Variants in CACNG2 observed in about 807,000 individuals in gnomAD.
CACNG2 encodes the protein voltage-dependent calcium channel gamma-2 subunit.
A neutral mutation model predicts 25.9 loss-of-function variants in CACNG2; 3 were observed. That is an observed-to-expected ratio of 0.12 (90% CI 0.05 to 0.30). The LOEUF (loss-of-function observed/expected upper bound fraction) is 0.30. Among genes scored for constraint, CACNG2 ranks in the 10% least tolerant of loss-of-function variants. CACNG2 has a pLI of 1.00. For missense variants in CACNG2, 341 were observed against 432.5 expected (o/e 0.79, Z 1.88); for synonymous variants, 167 against 173.3 (o/e 0.96, Z 0.29).
intron 2 of CACNG2, among the ~76,000 whole-genome samples, chr22:36,571,249 G>T (rs1476210269): frequency 6.6e-6 from 1 of 151,974 alleles, no homozygotes; most frequent in South Asian, 2.1e-4. Flanking sequence ...ATGAAGTCAG[G>T]AGTTCGAGAC....
rs200491685 is a variant in CACNG2, at chr22:36,702,652, CA to C, written c.-77del. On this transcript the variant is annotated 5_prime_UTR_variant, in exon 1 of 4. Transcript: ENST00000300105. Reference sequence around the variant, plus strand: ...TGTGTGAGGGTGCAAGTACTAAAGCCAAAAAAAATAAATAAAAATAAAAATT... The same window carrying C: ...TGTGTGAGGGTGCAAGTACTAAAGCCAAAAAAATAAATAAAAATAAAAATT... The C allele has an allele frequency of 2.7e-4, 274 of 1,033,350 alleles. No homozygotes were observed. Among genetic ancestry groups the C allele is most frequent in the Non-Finnish European group, 3.2e-4 (218 of 672,416 alleles). The allele number at this position is 1,033,350 out of a possible 1,614,324, so 64.0% of individuals were successfully genotyped here. A position where few individuals can be genotyped will look rare whatever the true frequency, so the allele number is the denominator to read the frequency against.
intron 1 of CACNG2, among the ~76,000 whole-genome samples, chr22:36,661,994 T>A (rs1936805570): frequency 7.4e-6 from 1 of 135,382 alleles, no homozygotes; most frequent in African/African-American, 3.0e-5. Context: ...TTTTTTTTTT[T>A]TTTCAGACGG....
chr22:36,566,960 C>T (rs188226734), intron 2 of CACNG2, among the ~76,000 whole-genome samples: 103 of 152,354 alleles, frequency 6.8e-4, no homozygotes, highest in Non-Finnish European at 1.3e-3. Context: ...AAAGCCTTCC[C>T]TGACTTCCTT....
intron 1 of CACNG2, among the ~76,000 whole-genome samples, chr22:36,596,791 TC>T (rs1330879967): frequency 6.6e-6 from 1 of 152,172 alleles, no homozygotes; most frequent in Non-Finnish European, 1.5e-5. Flanking sequence ...AGGGTCTCTC[TC>T]TGTTGCCCAG....
intron 1 of CACNG2, among the ~76,000 whole-genome samples, chr22:36,650,957 T>C (rs188258638): frequency 7.0e-4 from 106 of 152,348 alleles, no homozygotes; most frequent in Admixed American, 9.1e-4. Flanking sequence ...TTCATCTCCT[T>C]CAGGTATTTA....
intron 1 of CACNG2, among the ~76,000 whole-genome samples, chr22:36,635,624 C>A (rs1246936716): frequency 6.6e-6 from 1 of 152,146 alleles, no homozygotes; most frequent in Non-Finnish European, 1.5e-5. Context: ...ATCAGTGACT[C>A]CCACATTTGT....
At chr22:36,638,326 T>C (rs1936390390) in intron 1 of CACNG2, among the ~76,000 whole-genome samples, 1 of 152,190 alleles carries the variant, frequency 6.6e-6, no homozygotes, top group Admixed American at 6.5e-5. Context: ...AGGCTTCCCA[T>C]GGCCCTTTGG....
chr22:36,590,685 C>G (rs1229293207), intron 1 of CACNG2, among the ~76,000 whole-genome samples: 1 of 152,190 alleles, frequency 6.6e-6, no homozygotes, highest in East Asian at 1.9e-4. Flanking sequence ...AGAGCTATGA[C>G]AGTGATCCTT....
At chr22:36,607,578 G>A (rs1017664509) in intron 1 of CACNG2, among the ~76,000 whole-genome samples, 5 of 152,148 alleles carry the variant, frequency 3.3e-5, no homozygotes, top group Admixed American at 3.3e-4. Context: ...TGTATATTCA[G>A]TTTTGTGGCA....
intron 2 of CACNG2, among the ~76,000 whole-genome samples, chr22:36,582,015 C>G (rs889528186): frequency 6.6e-6 from 1 of 152,200 alleles, no homozygotes; most frequent in Non-Finnish European, 1.5e-5. Flanking sequence ...TTCAGAAAAT[C>G]CTGTGTGCGG....
intron 1 of CACNG2, among the ~76,000 whole-genome samples, chr22:36,653,629 G>A (rs1477226399): frequency 6.6e-6 from 1 of 150,908 alleles, no homozygotes; most frequent in Non-Finnish European, 1.5e-5. Flanking sequence ...GAAGTAAGAA[G>A]AGTTCCAAGG....
intron 1 of CACNG2, among the ~76,000 whole-genome samples, chr22:36,666,868 G>A (rs567792930): frequency 1.2e-4 from 19 of 152,032 alleles, no homozygotes; most frequent in Non-Finnish European, 2.4e-4. Context: ...CCACTAGACC[G>A]GATGGCCCAC....
intron 1 of CACNG2, among the ~76,000 whole-genome samples, chr22:36,660,383 G>A (rs550349969): frequency 3.9e-5 from 6 of 152,284 alleles, no homozygotes; most frequent in Non-Finnish European, 7.3e-5. Flanking sequence ...TCCAGTGCCA[G>A]GCGCGCACAG....
At chr22:36,616,609 T>C (rs1405891890) in intron 1 of CACNG2, among the ~76,000 whole-genome samples, 1 of 120,692 alleles carries the variant, frequency 8.3e-6, no homozygotes, top group Non-Finnish European at 1.6e-5. Context: ...CTGGAATTGA[T>C]TTTTTTTTTT....
chr22:36,650,445 A>T (rs968195721), intron 1 of CACNG2, among the ~76,000 whole-genome samples: 1 of 152,038 alleles, frequency 6.6e-6, no homozygotes, highest in Non-Finnish European at 1.5e-5. Context: ...ATCCCAGCTC[A>T]CTGTAGCCTC....
chr22:36,595,474 G>T, intron 1 of CACNG2, among the ~76,000 whole-genome samples: 1 of 152,230 alleles, frequency 6.6e-6, no homozygotes, highest in East Asian at 1.9e-4. Flanking sequence ...GGAGCTGATT[G>T]TTAAACATGT....
At chr22:36,643,638 A>C (rs149180686) in intron 1 of CACNG2, among the ~76,000 whole-genome samples, 172 of 152,214 alleles carry the variant, frequency 1.1e-3, no homozygotes, top group African/African-American at 3.8e-3. Context: ...AAGAAACACC[A>C]ATGGGCAGGT....
intron 2 of CACNG2, among the ~76,000 whole-genome samples, chr22:36,571,137 G>A (rs181856814): frequency 2.0e-5 from 3 of 152,252 alleles, no homozygotes; most frequent in Non-Finnish European, 4.4e-5. Flanking sequence ...TGTGGCCTGA[G>A]GCCCAGCGGC....
chr22:36,679,614 G>T (rs545256542), intron 1 of CACNG2, among the ~76,000 whole-genome samples: 2 of 152,140 alleles, frequency 1.3e-5, no homozygotes, highest in Non-Finnish European at 2.9e-5. Flanking sequence ...ACTTGGAGGC[G>T]ATTGGTTGAG....
Sources: gnomAD v4.1 joint callset for allele counts (sites outside exome capture counted in the v4.1 genomes callset) on GRCh38, gnomAD v4.1.1 for gene constraint, MANE v1.5 for transcripts, NCBI Gene and HGNC (gene_info 2026-07-23, HGNC 2026-07-21) for gene names.